Variants in SCFD1 observed in about 807,000 individuals in gnomAD.
SCFD1 encodes sec1 family domain containing 1, also known as sec1 family domain-containing protein 1.
A neutral mutation model predicts 103.2 loss-of-function variants in SCFD1; 37 were observed. The observed-to-expected ratio is 0.36, with a 90% CI of 0.28 to 0.47. SCFD1 has a LOEUF of 0.47. Among genes scored for constraint, SCFD1 ranks in the 20% least tolerant of loss-of-function variants. The pLI, the probability that SCFD1 is intolerant of heterozygous loss-of-function variation, is 1.00. For synonymous variants in SCFD1, 264 were observed against 245.0 expected (o/e 1.08, Z -0.73); for missense variants, 639 against 761.2 (o/e 0.84, Z 1.89).
intron 11 of SCFD1, among the ~76,000 whole-genome samples, chr14:30,671,693 G>A (rs924164826): frequency 6.6e-6 from 1 of 152,124 alleles, no homozygotes; most frequent in Non-Finnish European, 1.5e-5. Context: ...ATAAACAAGT[G>A]ACCTAAACCT....
chr14:30,656,674 G>T (rs1886936415), intron 10 of SCFD1, among the ~76,000 whole-genome samples: 1 of 152,070 alleles, frequency 6.6e-6, no homozygotes, highest in Non-Finnish European at 1.5e-5. Flanking sequence ...TAAAGAGTCT[G>T]GGAGTAGCAA....
At chr14:30,645,912 C>T (rs531042264) in intron 7 of SCFD1, among the ~76,000 whole-genome samples, 28 of 152,250 alleles carry the variant, frequency 1.8e-4, no homozygotes, top group African/African-American at 4.6e-4. Flanking sequence ...AGGGGGAATG[C>T]GTACAGCTTT....
chr14:30,709,545 T>A (rs1160579330), intron 19 of SCFD1, among the ~76,000 whole-genome samples: 1 of 152,192 alleles, frequency 6.6e-6, no homozygotes, highest in African/African-American at 2.4e-5. Context: ...TTATCCCTTT[T>A]AGAAATTATT....
chr14:30,712,375 A>G (rs1891943388), intron 19 of SCFD1, among the ~76,000 whole-genome samples: 2 of 152,214 alleles, frequency 1.3e-5, no homozygotes, highest in Admixed American at 1.3e-4. Flanking sequence ...GCTGCAAGGG[A>G]AAAGTTACAA....
chr14:30,674,923 A>AT, intron 13 of SCFD1, 61 bp from the exon 14 acceptor site: 1 of 970,476 alleles, frequency 1.0e-6, no homozygotes, highest in South Asian at 1.7e-5. Context: ...CAGGCATGAG[A>AT]TAAAGTCTAT....
In SCFD1 at chr14:30,674,014, T is replaced by A; in HGVS notation, c.1160+17T>A. 1.1e-5 allele frequency: 18 copies of A among 1,593,060 alleles called. No homozygotes were observed. Among genetic ancestry groups the A allele is most frequent in the Non-Finnish European group, 1.5e-5 (18 of 1,164,784 alleles). ...AGCTGTTAGGTAAGTGAGCAGTATA[T>A]CCTCTTTGAAGTCTTTCTGTTGATA... On this transcript the variant is annotated intron_variant, in intron 13 of 24. Coordinates refer to ENST00000458591, the MANE Select transcript of SCFD1 (RefSeq NM_016106.4).
At chr14:30,671,613 T>C (rs1268998879) in intron 11 of SCFD1, among the ~76,000 whole-genome samples, 2 of 152,148 alleles carry the variant, frequency 1.3e-5, no homozygotes, top group Non-Finnish European at 2.9e-5. Flanking sequence ...ATTCATTAAG[T>C]AGGAATAGCT....
At chr14:30,635,799 G>C (rs1451559284) in intron 4 of SCFD1, among the ~76,000 whole-genome samples, 25 of 152,044 alleles carry the variant, frequency 1.6e-4, no homozygotes, top group Non-Finnish European at 3.7e-4. Flanking sequence ...ATGGTCAAAT[G>C]ATAACTCTAT....
intron 3 of SCFD1, among the ~76,000 whole-genome samples, chr14:30,632,393 A>G (rs1053451976): frequency 2.6e-5 from 4 of 152,158 alleles, no homozygotes; most frequent in African/African-American, 4.8e-5. Context: ...CTATCTTATC[A>G]CTGATGATAT....
intron 3 of SCFD1, 95 bp downstream of exon 3, chr14:30,630,660 A>C: frequency 1.3e-6 from 1 of 745,298 alleles, no homozygotes; most frequent in Non-Finnish European, 2.3e-6. Context: ...AGTATTGAAC[A>C]TTTTTTCCCT....
chr14:30,672,165 T>C (rs1888611582), intron 11 of SCFD1, among the ~76,000 whole-genome samples: 1 of 152,156 alleles, frequency 6.6e-6, no homozygotes, highest in Non-Finnish European at 1.5e-5. Context: ...AACCCACACA[T>C]TTTACAGATA....
At chr14:30,732,465 C>G (rs1407728058) in intron 23 of SCFD1, among the ~76,000 whole-genome samples, 2 of 152,128 alleles carry the variant, frequency 1.3e-5, no homozygotes, top group Non-Finnish European at 2.9e-5. Flanking sequence ...TACTAAGCTC[C>G]CCAGTTTATT....
chr14:30,700,415 G>A (rs191483329), intron 16 of SCFD1, among the ~76,000 whole-genome samples, 157 bp downstream of exon 16: 198 of 152,300 alleles, frequency 1.3e-3, no homozygotes, highest in African/African-American at 4.5e-3. Flanking sequence ...ACTCACACCT[G>A]TAATCCCAAC....
At chr14:30,684,807 T>C (rs1296389971) in intron 14 of SCFD1, among the ~76,000 whole-genome samples, 16 of 141,532 alleles carry the variant, frequency 1.1e-4, no homozygotes, top group Non-Finnish European at 2.3e-4. Context: ...TTGTTTCTTT[T>C]TTTTTTTTTT....
At chr14:30,644,009 C>T in intron 7 of SCFD1, 1 of 456,428 alleles carries the variant, frequency 2.2e-6, no homozygotes, top group Non-Finnish European at 4.4e-6. Context: ...CCCTCATCCT[C>T]TATGCTCAGG....
intron 5 of SCFD1, among the ~76,000 whole-genome samples, chr14:30,638,780 G>C (rs765005079): frequency 6.6e-6 from 1 of 152,128 alleles, no homozygotes; most frequent in Non-Finnish European, 1.5e-5. Context: ...TTCAGCTTCA[G>C]TTATAAATCA....
In SCFD1 at chr14:30,678,120, G is replaced by C. The variant is rs188020350; in HGVS notation, c.1242+3055G>C. 6.2e-3 allele frequency among the ~76,000 whole-genome samples: 947 copies of C among 152,144 alleles called. 5 individuals carry two copies. Among genetic ancestry groups the C allele is most frequent in the Non-Finnish European group, 0.01 (702 of 67,994 alleles). ...CGCGAAGTGCTGGGATTACAGGCGT[G>C]AGCCACCGCGCCTGGCCGTAAATAT... is the stretch of plus-strand genomic sequence containing the variant. On this transcript the variant is annotated intron_variant, in intron 14 of 24. Transcript: ENST00000458591.
intron 11 of SCFD1, among the ~76,000 whole-genome samples, chr14:30,670,698 C>CT (rs1397383000): frequency 6.6e-6 from 1 of 152,018 alleles, no homozygotes; most frequent in Non-Finnish European, 1.5e-5. Context: ...CCATCTCTGC[C>CT]TTTCATTTAA....
chr14:30,728,716 C>CATTACTA (rs1893222045), intron 23 of SCFD1, among the ~76,000 whole-genome samples: 4 of 152,160 alleles, frequency 2.6e-5, no homozygotes, highest in Admixed American at 2.6e-4. Context: ...TTCTCCACTT[C>CATTACTA]ATTACTAACA....
Sources: gnomAD v4.1 joint callset for allele counts (sites outside exome capture counted in the v4.1 genomes callset) on GRCh38, gnomAD v4.1.1 for gene constraint, MANE v1.5 for transcripts, NCBI Gene and HGNC (gene_info 2026-07-23, HGNC 2026-07-21) for gene names.